ESRRG: variants seen among roughly 807,000 people sequenced by gnomAD.
ESRRG encodes the protein estrogen-related receptor gamma.
In ESRRG, 13 loss-of-function variants were observed where a neutral mutation model predicts 44.0. The ratio of observed to expected loss-of-function variants is 0.30; its 90% CI spans 0.19 to 0.47. The LOEUF is 0.47. Among genes scored for constraint, ESRRG ranks in the 20% least tolerant of loss-of-function variants. ESRRG has a pLI of 1.00. For synonymous variants in ESRRG, 215 were observed against 214.6 expected (o/e 1.00, Z -0.02); for missense variants, 395 against 580.6 (o/e 0.68, Z 3.29).
intron 1 of ESRRG, among the ~76,000 whole-genome samples, chr1:217,056,155 G>A (rs1372389645): frequency 6.6e-6 from 1 of 152,052 alleles, no homozygotes; most frequent in Non-Finnish European, 1.5e-5. Flanking sequence ...CTTGGGAGTG[G>A]CCTTGGGTAC....
At chr1:216,846,980 T>G (rs553408057) in intron 2 of ESRRG, among the ~76,000 whole-genome samples, 2 of 152,240 alleles carry the variant, frequency 1.3e-5, no homozygotes, top group African/African-American at 2.4e-5. Flanking sequence ...AGACAATTTC[T>G]TGAATTCTCA....
intron 5 of ESRRG, among the ~76,000 whole-genome samples, chr1:216,545,840 C>A (rs763858444): frequency 6.6e-6 from 1 of 151,884 alleles, no homozygotes; most frequent in African/African-American, 2.4e-5. Context: ...TTTTTAAATA[C>A]CAAAGATAAA....
chr1:216,847,172 C>T (rs192915315), intron 2 of ESRRG, among the ~76,000 whole-genome samples: 8 of 152,080 alleles, frequency 5.3e-5, no homozygotes, highest in South Asian at 2.1e-4. Context: ...CAAGGTCTGC[C>T]GTGCACAATT....
At position 216,637,216 on chromosome 1, in the gene ESRRG, G is replaced by T. The variant is rs570392319; in HGVS notation, c.589+13757C>A. Among the ~76,000 whole-genome samples, 64 of 151,942 alleles carry T rather than the reference G, an allele frequency of 4.2e-4. 4 individuals carry two copies. Among genetic ancestry groups the T allele is most frequent in the Non-Finnish European group, 2.9e-5 (2 of 67,976 alleles). Reference sequence around the variant, plus strand: ...AGGCTATGATAGTCTACACGGAAGGGGTGCCACTCAGAAATATACGTAGCT... The same window carrying T: ...AGGCTATGATAGTCTACACGGAAGGTGTGCCACTCAGAAATATACGTAGCT... On this transcript the variant is annotated intron_variant, in intron 3 of 6. Coordinates refer to ENST00000408911, the MANE Select transcript of ESRRG (RefSeq NM_001438.4).
At chr1:216,891,542 T>C (rs1178940717) in intron 2 of ESRRG, among the ~76,000 whole-genome samples, 1 of 152,204 alleles carries the variant, frequency 6.6e-6, no homozygotes, top group Admixed American at 6.5e-5. Flanking sequence ...AGCCTGCTTT[T>C]GTCTTGAGAA....
In ESRRG at chr1:216,503,549, G is replaced by A. The variant is rs1283497153; in HGVS notation, c.*3390C>T. The A allele has an allele frequency of 6.6e-6, 1 of 152,066 alleles. No homozygotes were observed. The highest frequency in any genetic ancestry group is 2.4e-5 in the African/African-American group (1 of 41,278). The allele number at this position is 152,066 out of a possible 1,614,324, so 9.4% of individuals were successfully genotyped here. On this transcript the variant is annotated 3_prime_UTR_variant, in exon 7 of 7. Coordinates refer to ENST00000408911, the MANE Select transcript of ESRRG (RefSeq NM_001438.4). ...TACTACTGGCTATAATGCAACTCCTGGATTATTATAAGCAGTTTAAATTTT... is the reference window on the plus strand; with the variant it reads ...TACTACTGGCTATAATGCAACTCCTAGATTATTATAAGCAGTTTAAATTTT...
At chr1:217,099,262 A>C (rs896426318) in intron 1 of ESRRG, among the ~76,000 whole-genome samples, 5 of 152,200 alleles carry the variant, frequency 3.3e-5, no homozygotes, top group Admixed American at 6.5e-5. Context: ...GTGCCCTTTG[A>C]AAGTATCTTT....
intron 3 of ESRRG, among the ~76,000 whole-genome samples, chr1:216,600,509 T>TTTTTG (rs1197902542): frequency 6.6e-6 from 1 of 151,622 alleles, no homozygotes; most frequent in Non-Finnish European, 1.5e-5. Context: ...AAGTGCTGGG[T>TTTTTG]TTTTGTTTTG....
chr1:216,964,634 C>T (rs1226102071), intron 1 of ESRRG, among the ~76,000 whole-genome samples: 1 of 152,058 alleles, frequency 6.6e-6, no homozygotes, highest in Non-Finnish European at 1.5e-5. Flanking sequence ...AAAGCTACAC[C>T]TGGAAGGAAA....
intron 5 of ESRRG, among the ~76,000 whole-genome samples, chr1:216,528,863 G>T (rs1318239041): frequency 6.6e-6 from 1 of 151,928 alleles, no homozygotes; most frequent in East Asian, 1.9e-4. Context: ...TAGAACAATG[G>T]GTCCTCACTA....
intron 2 of ESRRG, among the ~76,000 whole-genome samples, chr1:216,887,166 A>G (rs1577689330): frequency 6.6e-6 from 1 of 152,208 alleles, no homozygotes; most frequent in African/African-American, 2.4e-5. Flanking sequence ...GTCATTAAGC[A>G]TACAGAGTAG....
chr1:216,829,223 C>T (rs749175106), intron 2 of ESRRG, among the ~76,000 whole-genome samples: 9 of 152,058 alleles, frequency 5.9e-5, no homozygotes, highest in Admixed American at 2.0e-4. Context: ...ACCAGAGCTC[C>T]TGACACACCT....
In ESRRG at chr1:217,105,805, C is replaced by T. The variant is rs73103072; in HGVS notation, c.-230+31862G>A. 5.4e-3 allele frequency among the ~76,000 whole-genome samples: 829 copies of T among 152,270 alleles called. 10 individuals are homozygous for T. Among genetic ancestry groups the T allele is most frequent in the African/African-American group, 0.019 (789 of 41,560 alleles). On this transcript the variant is annotated intron_variant, in intron 1 of 8. Transcript: ENST00000366940. ...TGTCTCAAGTCTCAGTGTTTTCCAG[C>T]CTGTGATTTCCAAGCATGCGAAGTT...
intron 2 of ESRRG, among the ~76,000 whole-genome samples, chr1:216,813,650 T>C (rs1023414257): frequency 5.9e-5 from 9 of 152,198 alleles, no homozygotes; most frequent in South Asian, 2.1e-4. Context: ...GGCTTGTCTG[T>C]AAAGTGGTGA....
chr1:216,717,655 G>A (rs1273512002), intron 1 of ESRRG, among the ~76,000 whole-genome samples: 1 of 151,744 alleles, frequency 6.6e-6, no homozygotes, highest in South Asian at 2.1e-4. Context: ...TTGCATAAGT[G>A]CTTTCTCTCA....
chr1:216,901,511 G>A lies in ESRRG; in HGVS notation c.-14+38071C>T, dbSNP rs1030431758. ...GCCTACCAAGTAGCTGGGACTACCA[G>A]TGTGTGCCACCACATCTGGCTAATT... On this transcript the variant is annotated intron_variant, in intron 2 of 7. Coordinates refer to the ESRRG transcript ENST00000359162. Among the ~76,000 whole-genome samples the A allele has an allele frequency of 4.6e-5, 7 of 151,748 alleles. 1 individual carries two copies. Among genetic ancestry groups the A allele is most frequent in the Admixed American group, 4.6e-4 (7 of 15,236 alleles).
chr1:217,115,610 C>A (rs2092715046), intron 1 of ESRRG, among the ~76,000 whole-genome samples: 1 of 152,038 alleles, frequency 6.6e-6, no homozygotes, highest in African/African-American at 2.4e-5. Flanking sequence ...CTGAAATGCT[C>A]CTCCCTGAAA....
At chr1:216,567,682 A>G (rs1038212432) in intron 4 of ESRRG, among the ~76,000 whole-genome samples, 1 of 152,192 alleles carries the variant, frequency 6.6e-6, no homozygotes, top group Non-Finnish European at 1.5e-5. Flanking sequence ...GCAAATAAAG[A>G]TAACCAGTAA....
intron 2 of ESRRG, among the ~76,000 whole-genome samples, chr1:216,743,658 T>G (rs2091029256): frequency 1.3e-5 from 2 of 152,072 alleles, no homozygotes; most frequent in East Asian, 3.9e-4. Flanking sequence ...ACTGTTGTCA[T>G]CATCATCATC....
Sources: allele counts gnomAD v4.1 joint callset (sites outside exome capture counted in the v4.1 genomes callset), GRCh38; gene constraint gnomAD v4.1.1; transcripts MANE v1.5; gene names NCBI Gene and HGNC (gene_info 2026-07-23, HGNC 2026-07-21).